The following HUWE1 variants were observed in gnomAD, a reference collection of about 807,000 sequenced individuals.
HUWE1 encodes E3 ubiquitin-protein ligase HUWE1.
HUWE1 carries 18 observed loss-of-function variants against 299.4 expected under a neutral mutation model. The observed-to-expected ratio is 0.06, with a 90% CI of 0.04 to 0.09. The LOEUF is 0.09. Among genes scored for constraint, HUWE1 ranks in the 10% least tolerant of loss-of-function variants. HUWE1 has a pLI of 1.00. For synonymous variants in HUWE1, 1,317 were observed against 1,286.1 expected, an observed-to-expected ratio of 1.02 and a Z score of -0.51; for missense variants, 1,832 against 3,462.3, an observed-to-expected ratio of 0.53 and a Z score of 11.82.
At chrX:53,570,446 TAATTA>T (rs2062772546) in intron 47 of HUWE1, among the ~76,000 whole-genome samples, 1 of 112,660 alleles carries the variant, frequency 8.9e-6, no homozygotes, top group Admixed American at 9.4e-5. Flanking sequence ...CCTTGATTCT[TAATTA>T]AGTGCTATAA....
At position 53,615,886 on chromosome X, in the gene HUWE1, G is replaced by C. The variant is rs1273505451; in HGVS notation, c.1958-51C>G. The stretch of plus-strand genomic sequence containing the variant: ...AATTAGAAAGACTGAAGAAAATAGA[G>C]CTTGGGCTCTTTTCTGTACCAACAT... On this transcript the variant is annotated intron_variant, in intron 21 of 83. Coordinates refer to ENST00000262854, the MANE Select transcript of HUWE1 (RefSeq NM_031407.7). 1.1e-5 allele frequency: 10 copies of C among 903,557 alleles called. No individual in the cohort carries two copies. In the Admixed American group the frequency reaches 2.3e-4, roughly 21 times the overall value. The allele number at this position is 903,557 out of a possible 1,213,427, so 74.5% of individuals were successfully genotyped here.
rs1187509402 is a variant in HUWE1 at position 53,551,453 on chromosome X, G to C, written c.8909C>G (p.Pro2970Arg). 1 of 1,203,269 alleles carries C rather than the reference G, an allele frequency of 8.3e-7. No individual in the cohort carries two copies. The highest frequency in any genetic ancestry group is 1.1e-6 in the Non-Finnish European group (1 of 891,492). Reference sequence around the variant, plus strand: ...ATCAGGCAGGGCAGCCAGAAAAGAGGGGTCCACACCTTCAGGGAGACTGAT... The same window carrying C: ...ATCAGGCAGGGCAGCCAGAAAAGAGCGGTCCACACCTTCAGGGAGACTGAT... Reference protein sequence around the residue: ...AGISLPEGVDPSFLAALPDDI... With the variant: ...AGISLPEGVDRSFLAALPDDI... The change falls in exon 64 of 84, where the codon CCC (proline) becomes CGC (arginine). Residue 2970 changes from proline (P) to arginine (R), a missense_variant. Around this residue, in one of 15 missense-constraint regions of HUWE1, gnomAD observed 91 missense variants for 281.2 expected, o/e 0.32. Coordinates refer to ENST00000262854, the MANE Select transcript of HUWE1 (RefSeq NM_031407.7).
intron 61 of HUWE1, 103 bp downstream of exon 61, chrX:53,554,530 G>A: frequency 3.6e-6 from 3 of 837,597 alleles, no homozygotes; most frequent in Non-Finnish European, 5.3e-6. Context: ...TTGAGAAGTT[G>A]AACTCCTACT....
chrX:53,679,245 T>C (rs1291685531), intron 3 of HUWE1, among the ~76,000 whole-genome samples: 4 of 111,209 alleles, frequency 3.6e-5, no homozygotes, highest in African/African-American at 9.8e-5. Flanking sequence ...TTGCAATAAA[T>C]GTGCTTTCTC....
intron 1 of HUWE1, 47 bp downstream of exon 1, chrX:53,686,540 CG>C (rs1569518043): frequency 8.8e-6 from 1 of 113,071 alleles, no homozygotes. Flanking sequence ...AAACCGAGAA[CG>C]GCCGCGCGTA....
intron 7 of HUWE1, among the ~76,000 whole-genome samples, chrX:53,638,647 T>C (rs781979297): frequency 2.7e-5 from 3 of 112,296 alleles, no homozygotes; most frequent in African/African-American, 9.7e-5. Context: ...GTATTAATAT[T>C]ACCTGGGAAC....
intron 7 of HUWE1, among the ~76,000 whole-genome samples, chrX:53,640,146 C>T (rs1301210558): frequency 3.6e-5 from 4 of 112,357 alleles, no homozygotes; most frequent in Non-Finnish European, 7.5e-5. Context: ...ATCGCCTGAG[C>T]TCAGGAGTTG....
At chrX:53,562,026 AG>A (rs782725105) in intron 54 of HUWE1, 84 bp downstream of exon 54, 1 of 1,208,974 alleles carries the variant, frequency 8.3e-7, no homozygotes, top group African/African-American at 1.8e-5. Context: ...CGCTGAGGCT[AG>A]CAACCCAGAC....
rs1352210818 is a variant in HUWE1, at chrX:53,584,422, C to G, written c.5002-77G>C. 46 of 853,396 alleles carry G rather than the reference C, an allele frequency of 5.4e-5. No homozygotes were observed. The East Asian group carries it at 1.5e-3, about 27-fold the overall frequency. 70.3% of individuals were successfully genotyped at this position (853,396 alleles called of 1,213,427 possible). On this transcript the variant is annotated intron_variant, in intron 40 of 83. Transcript: ENST00000262854. ...AGGTGGGGGAGGGGAGGGACATCTC[C>G]CAGGTAAAATGCTACAACAGGAAGG...
At chrX:53,653,651 T>C (rs1334302745) in intron 4 of HUWE1, among the ~76,000 whole-genome samples, 1 of 112,589 alleles carries the variant, frequency 8.9e-6, no homozygotes, top group Non-Finnish European at 1.9e-5. Context: ...AACACTGGCC[T>C]TAACAAAAAA....
chrX:53,590,714 T>A (rs1359572769), intron 34 of HUWE1, among the ~76,000 whole-genome samples: 1 of 112,356 alleles, frequency 8.9e-6, no homozygotes, highest in East Asian at 2.8e-4. Context: ...TAAAACTAAG[T>A]ATAGGAAGGA....
intron 45 of HUWE1, 44 bp from the exon 46 acceptor site, chrX:53,575,265 C>T (rs782786765): frequency 2.0e-6 from 2 of 1,001,657 alleles, no homozygotes; most frequent in Non-Finnish European, 2.8e-6. Flanking sequence ...ATTTCAAAAG[C>T]ACCCGTCTGC....
chrX:53,578,777 G>T (rs1424208256), intron 43 of HUWE1, among the ~76,000 whole-genome samples: 1 of 70,958 alleles, frequency 1.4e-5, no homozygotes, highest in Non-Finnish European at 2.7e-5. Flanking sequence ...CCTCTGCCCG[G>T]CCAGCCGCCC....
chrX:53,665,980 C>T (rs1482318366), intron 3 of HUWE1, among the ~76,000 whole-genome samples: 2 of 110,895 alleles, frequency 1.8e-5, no homozygotes, highest in Admixed American at 9.6e-5. Context: ...CAGAGTGAGA[C>T]CTCCGTCTCT....
At chrX:53,624,818 C>T in intron 18 of HUWE1, 143 bp from the exon 19 acceptor site, 3 of 499,371 alleles carry the variant, frequency 6.0e-6, no homozygotes, top group Non-Finnish European at 1.1e-5. Context: ...CCCCAGTTGT[C>T]TCCTCCTATT....
intron 47 of HUWE1, 136 bp from the exon 48 acceptor site, chrX:53,569,963 G>GA: frequency 1.7e-6 from 1 of 585,205 alleles, no homozygotes; most frequent in Non-Finnish European, 2.8e-6. Flanking sequence ...CTTTATAGAT[G>GA]AAGAAGCCAA....
At chrX:53,625,460 A>AAG (rs1557016277) in intron 17 of HUWE1, 1 of 364,227 alleles carries the variant, frequency 2.7e-6, no homozygotes, top group Non-Finnish European at 4.8e-6. Flanking sequence ...AATTTTACCA[A>AAG]TACTAAAAGT....
chrX:53,533,655 A>G (rs1301881244), intron 83 of HUWE1: 4 of 441,540 alleles, frequency 9.1e-6, no homozygotes, highest in Non-Finnish European at 1.2e-5. Context: ...TCACTCGCCC[A>G]TAGGCTAAAG....
At chrX:53,662,917 A>T (rs781787873) in intron 3 of HUWE1, among the ~76,000 whole-genome samples, 9 of 111,266 alleles carry the variant, frequency 8.1e-5, no homozygotes, top group Non-Finnish European at 1.5e-4. Flanking sequence ...GTGAAACCCC[A>T]TCTCTACCAA....
Sources: gnomAD v4.1 joint callset for allele counts (sites outside exome capture counted in the v4.1 genomes callset) on GRCh38, gnomAD v4.1.1 for gene constraint, gnomAD v4.1.1 regional missense constraint, MANE v1.5 for transcripts, NCBI Gene and HGNC (gene_info 2026-07-23, HGNC 2026-07-21) for gene names.